The following CCDC57 variants were observed in gnomAD, a reference collection of about 807,000 sequenced individuals.
The protein encoded by CCDC57 is coiled-coil domain containing 57.
In CCDC57, 118 loss-of-function variants were observed where a neutral mutation model predicts 118.9. That is an observed-to-expected ratio of 0.99 (90% CI 0.86 to 1.16). The LOEUF (loss-of-function observed/expected upper bound fraction) is 1.16. Ranked by LOEUF, CCDC57 falls within the 50% of genes most tolerant of loss-of-function variation. The pLI is 0.00. For missense variants in CCDC57, 1,300 were observed against 1,320.7 expected (o/e 0.98, Z 0.24); for synonymous variants, 527 against 532.9 (o/e 0.99, Z 0.15).
chr17:82,148,624 A>G, intron 16 of CCDC57, among the ~76,000 whole-genome samples: 1 of 54,884 alleles, frequency 1.8e-5, no homozygotes, highest in Non-Finnish European at 3.2e-5. Context: ...GGGTGAGTAG[A>G]TGGATAGATG....
intron 13 of CCDC57, among the ~76,000 whole-genome samples, 195 bp from the exon 13 acceptor site, chr17:82,163,552 A>G (rs2043605697): frequency 6.6e-6 from 1 of 152,246 alleles, no homozygotes; most frequent in Non-Finnish European, 1.5e-5. Context: ...TACAGAAAGC[A>G]TAATCCTCAT....
intron 9 of CCDC57, among the ~76,000 whole-genome samples, chr17:82,181,754 T>C (rs1404533020): frequency 6.6e-6 from 1 of 152,254 alleles, no homozygotes; most frequent in Non-Finnish European, 1.5e-5. Context: ...AAAGTCTAAA[T>C]ATTGTAATAT....
intron 14 of CCDC57, among the ~76,000 whole-genome samples, chr17:82,161,079 G>A (rs1226105889): frequency 6.6e-6 from 1 of 152,154 alleles, no homozygotes; most frequent in Non-Finnish European, 1.5e-5. Flanking sequence ...TGGCTCAAAT[G>A]GCTGACCAAG....
chr17:82,127,789 G>T (rs777411364), exon 19 of CCDC57: 1 of 1,613,078 alleles, frequency 6.2e-7, no homozygotes, highest in Admixed American at 1.7e-5. Flanking sequence ...CAAAGGAGGA[G>T]GAGCTGTGGG....
chr17:82,152,892 G>A (rs78976833), intron 15 of CCDC57, among the ~76,000 whole-genome samples: 7,214 of 152,324 alleles, frequency 0.047, 227 homozygotes, highest in African/African-American at 0.089. Context: ...CATGTGGGAC[G>A]CTCGGGGGCC....
chr17:82,148,205 G>A lies in CCDC57; in HGVS notation c.2455+3355C>T, dbSNP rs1272626142. Among the ~76,000 whole-genome samples, 94 of 99,420 alleles carry A rather than the reference G, an allele frequency of 9.5e-4. 1 individual carries two copies. The highest frequency in any genetic ancestry group is 6.0e-4 in the Non-Finnish European group (26 of 43,288). The allele number at this position is 99,420 out of a possible 152,430, so 65.2% of individuals were successfully genotyped here. A position where few individuals can be genotyped will look rare whatever the true frequency, so the allele number is the denominator to read the frequency against. On this transcript the variant is annotated intron_variant, in intron 16 of 19. Transcript: ENST00000665763. ...TGGGTGGATAGATGGGTGCGTGGAT[G>A]GTAGATGGATGGATGGATGGGTGGG...
intron 16 of CCDC57, among the ~76,000 whole-genome samples, chr17:82,150,856 C>T (rs558143470): frequency 5.1e-5 from 6 of 117,732 alleles, no homozygotes; most frequent in African/African-American, 1.3e-4. Flanking sequence ...CAGAACCAGG[C>T]GCACACCCAG....
chr17:82,211,681 C>G (rs1480131665), intron 1 of CCDC57, among the ~76,000 whole-genome samples: 1 of 152,050 alleles, frequency 6.6e-6, no homozygotes, highest in Non-Finnish European at 1.5e-5. Flanking sequence ...CTGACTCTCT[C>G]TTAGCTGAGA....
At chr17:82,153,261 G>A (rs1473530633) in intron 15 of CCDC57, among the ~76,000 whole-genome samples, 4 of 152,310 alleles carry the variant, frequency 2.6e-5, no homozygotes, top group African/African-American at 9.6e-5. Context: ...GGTGAGACTC[G>A]CAAGTCCGGT....
At chr17:82,149,946 C>A (rs71370219) in intron 16 of CCDC57, among the ~76,000 whole-genome samples, 1 of 128,326 alleles carries the variant, frequency 7.8e-6, no homozygotes, top group Non-Finnish European at 1.7e-5. Context: ...GGCGCACATC[C>A]AGAACCAGGT....
chr17:82,208,474 C>T (rs1226985460), intron 1 of CCDC57, among the ~76,000 whole-genome samples: 1 of 152,012 alleles, frequency 6.6e-6, no homozygotes, highest in African/African-American at 2.4e-5. Flanking sequence ...CCAGGCTGGT[C>T]TTGAACTCCT....
At position 82,128,054 on chromosome 17, in the gene CCDC57, A is replaced by C. The variant is rs1040102909; in HGVS notation, c.2683-146T>G. 1.9e-5 allele frequency: 23 copies of C among 1,240,560 alleles called. 1 individual carries two copies. The South Asian group carries it at 3.5e-4, about 19-fold the overall frequency. 76.8% of individuals were successfully genotyped at this position (1,240,560 alleles called of 1,614,324 possible). ...GCAGATGCTCCCAGGATCACCCAGG[A>C]GAGGCAGCTGCAGACAGGGATGCAT... On this transcript the variant is annotated intron_variant, in intron 18 of 19. Transcript: ENST00000665763.
At chr17:82,121,894 G>A (rs2036737062) in intron 19 of CCDC57, among the ~76,000 whole-genome samples, 1 of 152,162 alleles carries the variant, frequency 6.6e-6, no homozygotes, top group Non-Finnish European at 1.5e-5. Flanking sequence ...CCTGTCCTGT[G>A]ACTTGTAGCT....
At chr17:82,101,586 G>A (rs766576583) in exon 20 of CCDC57, 4 of 1,094,680 alleles carry the variant, frequency 3.7e-6, no homozygotes, top group Non-Finnish European at 5.3e-6. Flanking sequence ...CACCCTGCAC[G>A]CTGTGCCCAC....
chr17:82,199,657 C>T (rs752310149), intron 3 of CCDC57, among the ~76,000 whole-genome samples: 5 of 152,184 alleles, frequency 3.3e-5, no homozygotes, highest in East Asian at 1.9e-4. Context: ...AGCACCCGCA[C>T]GGCGGGCAAG....
intron 2 of CCDC57, among the ~76,000 whole-genome samples, chr17:82,205,912 C>T (rs977799247): frequency 3.9e-5 from 6 of 152,226 alleles, no homozygotes; most frequent in African/African-American, 7.2e-5. Context: ...CATCATAGAA[C>T]GGCCTGCTCT....
intron 19 of CCDC57, among the ~76,000 whole-genome samples, chr17:82,103,167 A>G (rs923936689): frequency 2.6e-5 from 4 of 152,214 alleles, no homozygotes; most frequent in African/African-American, 4.8e-5. Context: ...CGCAGTGCCC[A>G]TGGGGGCAGC....
rs1599357411 is a variant in CCDC57 at position 82,192,619 on chromosome 17, G to A, written c.851+1137C>T. 6.6e-6 allele frequency among the ~76,000 whole-genome samples: 1 copy of A among 152,216 alleles called. No homozygotes were observed. The highest frequency in any genetic ancestry group is 2.4e-5 in the African/African-American group (1 of 41,462). On this transcript the variant is annotated intron_variant, in intron 7 of 19. Coordinates refer to ENST00000665763, the Ensembl canonical transcript of CCDC57. This position sits in a 1 kb window ranked among gnomAD's most constrained non-coding sequence, Gnocchi z 4.0. ...GTCCTGCACCACTGCCATCTGCACT[G>A]TGTCTGTTTGGGCTCGACTGCCTCG...
chr17:82,134,403 C>T, intron 16 of CCDC57: 1 of 401,392 alleles, frequency 2.5e-6, no homozygotes, highest in Non-Finnish European at 4.3e-6. Context: ...TGCCACGCCC[C>T]TGCCACACAC....
Sources: gnomAD v4.1 joint callset for allele counts (sites outside exome capture counted in the v4.1 genomes callset) on GRCh38, gnomAD v4.1.1 for gene constraint, Gnocchi (gnomAD v3.1) non-coding constraint, MANE v1.5 for transcripts, NCBI Gene and HGNC (gene_info 2026-07-23, HGNC 2026-07-21) for gene names.